Variants in PTPRM observed in about 807,000 individuals in gnomAD.
PTPRM encodes protein tyrosine phosphatase receptor type M.
In PTPRM, 47 loss-of-function variants were observed where a neutral mutation model predicts 186.7. The ratio of observed to expected loss-of-function variants is 0.25; its 90% CI spans 0.20 to 0.32. The LOEUF (loss-of-function observed/expected upper bound fraction) is 0.32, where lower values mean the gene tolerates loss of function less well. Among genes scored for constraint, PTPRM ranks in the 10% least tolerant of loss-of-function variants. The pLI is 1.00. For missense variants in PTPRM, 1,494 were observed against 1,865.0 expected (o/e 0.80, Z 3.66); for synonymous variants, 668 against 674.9 (o/e 0.99, Z 0.16).
chr18:8,325,861 A>C (rs2095372670), intron 22 of PTPRM, among the ~76,000 whole-genome samples: 1 of 152,152 alleles, frequency 6.6e-6, no homozygotes, highest in Non-Finnish European at 1.5e-5. Context: ...TCTTTTTAAT[A>C]ATAGCCATTC....
intron 7 of PTPRM, among the ~76,000 whole-genome samples, chr18:8,029,941 C>T (rs976046986): frequency 6.6e-6 from 1 of 152,188 alleles, no homozygotes; most frequent in Non-Finnish European, 1.5e-5. Context: ...AGTTGCATTC[C>T]GTGCACCGCA....
chr18:8,290,298 A>G (rs2147833632), intron 19 of PTPRM, among the ~76,000 whole-genome samples: 1 of 152,282 alleles, frequency 6.6e-6, no homozygotes, highest in Middle Eastern at 3.4e-3. Flanking sequence ...AGAAGCATCT[A>G]AAAAACTTGA....
chr18:7,772,349 CTCTTTCTT>C (rs71935994), intron 1 of PTPRM, among the ~76,000 whole-genome samples: 11,489 of 95,972 alleles, frequency 0.12, 767 homozygotes, highest in Non-Finnish European at 0.13. Context: ...TTCTTTCTTT[CTCTTTCTT>C]TCTTTCTTTC....
In PTPRM at chr18:8,129,016, A is replaced by G. The variant is rs528219596; in HGVS notation, c.2167+14189A>G. On this transcript the variant is annotated intron_variant, in intron 13 of 32. Transcript: ENST00000580170. ...CATATTTTAGGAAACCTAACTTTTA[A>G]TTTTGACGTTAATTTGGTGTATTAC... Among the ~76,000 whole-genome samples the G allele has an allele frequency of 5.9e-5, 9 of 152,240 alleles. No homozygotes were observed. The South Asian group carries it at 1.7e-3, about 28-fold the overall frequency.
intron 6 of PTPRM, 64 bp downstream of exon 6, chr18:7,949,419 C>A: frequency 1.4e-6 from 2 of 1,392,978 alleles, no homozygotes; most frequent in Non-Finnish European, 2.0e-6. Context: ...GTTGTTAGTT[C>A]ATTATCCCTT....
chr18:7,934,109 A>T (rs968953328), intron 5 of PTPRM, among the ~76,000 whole-genome samples: 5 of 152,218 alleles, frequency 3.3e-5, no homozygotes, highest in African/African-American at 1.2e-4. Context: ...CATGAACATA[A>T]GAAATATACC....
At chr18:8,200,552 G>A (rs1423670888) in intron 14 of PTPRM, among the ~76,000 whole-genome samples, 1 of 152,230 alleles carries the variant, frequency 6.6e-6, no homozygotes. Flanking sequence ...CTGTTCTGGG[G>A]AACTGAACAC....
At chr18:7,754,498 G>A (rs2041373076) in intron 1 of PTPRM, among the ~76,000 whole-genome samples, 1 of 152,162 alleles carries the variant, frequency 6.6e-6, no homozygotes, top group African/African-American at 2.4e-5. Flanking sequence ...CTCCCAAGAT[G>A]TTCCCTCCCT....
At position 7,793,831 on chromosome 18, in the gene PTPRM, C is replaced by T. The variant is rs572862146; in HGVS notation, c.196+19560C>T. Among the ~76,000 whole-genome samples the T allele has an allele frequency of 9.2e-5, 14 of 152,222 alleles. No homozygotes were observed. In the South Asian group the frequency reaches 1.7e-3, roughly 18 times the overall value. On this transcript the variant is annotated intron_variant, in intron 2 of 32. Transcript: ENST00000580170. Reference sequence around the variant, plus strand: ...CACCCCCATCTTGTCCCTATGAAAACCCCGAGACCTTTGCAGGCAGACACA... The same window carrying T: ...CACCCCCATCTTGTCCCTATGAAAATCCCGAGACCTTTGCAGGCAGACACA...
intron 2 of PTPRM, among the ~76,000 whole-genome samples, chr18:7,817,192 C>T (rs1277735272): frequency 6.6e-6 from 1 of 152,100 alleles, no homozygotes; most frequent in Admixed American, 6.5e-5. Flanking sequence ...CCAGGCTGGT[C>T]TTGAACTCCT....
intron 22 of PTPRM, among the ~76,000 whole-genome samples, chr18:8,321,948 G>A (rs1328881699): frequency 6.6e-6 from 1 of 152,078 alleles, no homozygotes; most frequent in Non-Finnish European, 1.5e-5. Flanking sequence ...TAATTGGCAT[G>A]GACAGGTAGA....
intron 2 of PTPRM, among the ~76,000 whole-genome samples, chr18:7,828,755 A>G (rs2045615274): frequency 2.0e-5 from 3 of 152,236 alleles, no homozygotes. Flanking sequence ...CTGTCTAAGG[A>G]AAGCTGGTTT....
At chr18:8,083,413 C>T (rs2090255846) in intron 9 of PTPRM, among the ~76,000 whole-genome samples, 1 of 152,118 alleles carries the variant, frequency 6.6e-6, no homozygotes, top group Admixed American at 6.6e-5. Flanking sequence ...TACTGTTCTT[C>T]CCCAAACTCT....
chr18:8,014,580 T>A (rs2084742644), intron 7 of PTPRM, among the ~76,000 whole-genome samples: 1 of 152,190 alleles, frequency 6.6e-6, no homozygotes, highest in African/African-American at 2.4e-5. Flanking sequence ...TACTGCTAAA[T>A]GAAATGTAAA....
Position 7,568,086 on chromosome 18 carries a change from T to TCGGG in PTPRM, c.73+203_73+206dup, listed in dbSNP as rs2036473030. Among the ~76,000 whole-genome samples, 1 of 151,738 alleles carries TCGGG rather than the reference T, an allele frequency of 6.6e-6. No homozygotes were observed. Among genetic ancestry groups the TCGGG allele is most frequent in the African/African-American group, 2.4e-5 (1 of 41,344 alleles). The stretch of plus-strand genomic sequence containing the variant: ...CGTGGGGCTGGCAGGCACCCAGTCC[T>TCGGG]CGGGCGGGCGGAGCGGACGGACCCC... On this transcript the variant is annotated intron_variant, in intron 1 of 32. Coordinates refer to ENST00000580170, the MANE Select transcript of PTPRM (RefSeq NM_001105244.2). The surrounding 1 kb of genome is among the most constrained non-coding windows in gnomAD (Gnocchi z 5.1).
intron 11 of PTPRM, among the ~76,000 whole-genome samples, chr18:8,102,115 A>G (rs1181202682): frequency 6.6e-6 from 1 of 152,188 alleles, no homozygotes; most frequent in African/African-American, 2.4e-5. Context: ...ATCTACCTTA[A>G]TTAAAAAATA....
chr18:8,085,827 G>A lies in PTPRM; in HGVS notation c.1708G>A (p.Gly570Ser), dbSNP rs2145272245. 1.2e-6 allele frequency: 2 copies of A among 1,613,356 alleles called. No homozygotes were observed. Among genetic ancestry groups the A allele is most frequent in the South Asian group, 1.1e-5 (1 of 91,062 alleles). Residue 570 changes from glycine to serine, a missense_variant, in exon 10 of 33, where the codon GGT (glycine) becomes AGT (serine). By Grantham distance (56) the Gly-to-Ser change is moderately conservative. Transcript: ENST00000580170. The stretch of plus-strand genomic sequence containing the variant: ...TACCATCCGAGCTAGCACAGCTAAG[G>A]GTTTTGGGCCTCCAGCAACAAACCA... ...SFTIRASTAK[G>S]FGPPATNQFT...
intron 2 of PTPRM, among the ~76,000 whole-genome samples, chr18:7,779,260 T>A (rs914193122): frequency 2.6e-5 from 4 of 152,226 alleles, no homozygotes; most frequent in Non-Finnish European, 4.4e-5. Context: ...AACATAATTC[T>A]CTTAGTATTT....
At chr18:8,322,041 G>A (rs1030189963) in intron 22 of PTPRM, among the ~76,000 whole-genome samples, 10 of 152,124 alleles carry the variant, frequency 6.6e-5, no homozygotes, top group African/African-American at 2.2e-4. Flanking sequence ...GGGCAATGAA[G>A]ACCAACAGGC....
Sources: gnomAD v4.1 joint callset for allele counts (sites outside exome capture counted in the v4.1 genomes callset) on GRCh38, gnomAD v4.1.1 for gene constraint, Gnocchi (gnomAD v3.1) non-coding constraint, MANE v1.5 for transcripts, NCBI Gene and HGNC (gene_info 2026-07-23, HGNC 2026-07-21) for gene names.